The following ACP1 variants were observed in gnomAD, a reference collection of about 807,000 sequenced individuals.
ACP1 encodes acid phosphatase 1.
ACP1 carries 23 observed loss-of-function variants against 23.4 expected under a neutral mutation model. The observed-to-expected ratio is 0.98, with a 90% CI of 0.71 to 1.39. ACP1 has a LOEUF of 1.39. Among genes scored for constraint, ACP1 ranks in the 40% most tolerant of loss-of-function variants. ACP1 has a pLI of 0.00. For missense variants in ACP1, 180 were observed against 197.7 expected (o/e 0.91, Z 0.54); for synonymous variants, 72 against 67.2 (o/e 1.07, Z -0.35).
intron 1 of ACP1, among the ~76,000 whole-genome samples, chr2:270,121 G>A (rs1036285263): frequency 2.0e-5 from 3 of 152,198 alleles, no homozygotes; most frequent in Admixed American, 1.3e-4. Flanking sequence ...TGTTTCCTTA[G>A]CTGTGCCGGT....
In ACP1 at chr2:266,615, G is replaced by A. The variant is rs1340964259; in HGVS notation, c.43+1608G>A. ...TGTCAATTGGAACATGTGTCTGCTC[G>A]TTTCTTACACCCACAAATGTAATAC... is the stretch of plus-strand genomic sequence containing the variant. On this transcript the variant is annotated intron_variant, in intron 1 of 5. Coordinates refer to ENST00000272065, the MANE Select transcript of ACP1 (RefSeq NM_004300.4). 2.0e-5 allele frequency among the ~76,000 whole-genome samples: 3 copies of A among 152,260 alleles called. No homozygotes were observed. In the South Asian group the frequency reaches 6.2e-4, roughly 32 times the overall value.
At chr2:275,368 G>T in intron 4 of ACP1, 167 bp downstream of exon 4, 1 of 402,058 alleles carries the variant, frequency 2.5e-6, no homozygotes. Flanking sequence ...TAGTAATCTA[G>T]AATTGTCTCT....
At chr2:270,383 G>T (rs775319105) in intron 1 of ACP1, among the ~76,000 whole-genome samples, 1 of 152,038 alleles carries the variant, frequency 6.6e-6, no homozygotes, top group Non-Finnish European at 1.5e-5. Flanking sequence ...CTGAAGCATC[G>T]CAGCCTCACC....
In ACP1 at chr2:277,487, A is replaced by C; in HGVS notation, c.*183A>C. On this transcript the variant is annotated 3_prime_UTR_variant, in exon 6 of 6. Transcript: ENST00000272065. ...TCAGTTGTGTTTGGCAGGAGAATCA[A>C]TAAAAATCTTTGATTCAGACAGCTT... 1 of 617,836 alleles carries C rather than the reference A, an allele frequency of 1.6e-6. No individual in the cohort carries two copies. Among genetic ancestry groups the C allele is most frequent in the Non-Finnish European group, 2.9e-6 (1 of 345,516 alleles). The allele number at this position is 617,836 out of a possible 1,614,324, so 38.3% of individuals were successfully genotyped here.
rs1669969004 is a variant in ACP1 at position 269,228 on chromosome 2, A to G, written c.44-2638A>G. ...CAAAATTTAGAATGTCGAAAGGAAAAACTTCACAACACAAATTAGCATATA... is the reference window on the plus strand; with the variant it reads ...CAAAATTTAGAATGTCGAAAGGAAAGACTTCACAACACAAATTAGCATATA... On this transcript the variant is annotated intron_variant, in intron 1 of 5. Transcript: ENST00000272065. The G allele has an allele frequency of 6.9e-6, 3 of 437,056 alleles. No homozygotes were observed. The East Asian group carries it at 2.2e-4, about 31-fold the overall frequency. 27.1% of individuals were successfully genotyped at this position (437,056 alleles called of 1,614,324 possible).
chr2:272,362 C>T (rs369085813), intron 3 of ACP1: 49 of 1,558,898 alleles, frequency 3.1e-5, no homozygotes, highest in Middle Eastern at 1.9e-4. Context: ...TGAGAAGTAG[C>T]GAAAGGATTA....
intron 3 of ACP1, chr2:274,503 G>A (rs1042660311): frequency 6.6e-6 from 1 of 152,346 alleles, no homozygotes; most frequent in Admixed American, 6.5e-5. Flanking sequence ...ATTCTCTTCT[G>A]TGTGAGGTTT....
intron 3 of ACP1, 34 bp downstream of exon 3, chr2:272,184 T>C: frequency 6.2e-7 from 1 of 1,614,190 alleles, no homozygotes; most frequent in African/African-American, 1.3e-5. Flanking sequence ...GTGTGTTTTG[T>C]GTTTCAGTGG....
intron 1 of ACP1, 24 bp from the exon 2 acceptor site, chr2:271,841 TC>T: frequency 6.2e-7 from 1 of 1,600,432 alleles, no homozygotes; most frequent in Non-Finnish European, 8.6e-7. Flanking sequence ...TAACCCTGTT[TC>T]CCCACCCCTC....
intron 1 of ACP1, among the ~76,000 whole-genome samples, chr2:268,758 A>G (rs1390141189): frequency 1.3e-5 from 2 of 152,264 alleles, no homozygotes; most frequent in African/African-American, 4.8e-5. Context: ...TGAAGATGGA[A>G]TGTTCTGTTT....
intron 1 of ACP1, among the ~76,000 whole-genome samples, chr2:269,065 G>C (rs1316882846): frequency 6.6e-6 from 1 of 152,178 alleles, no homozygotes. Flanking sequence ...AATAATAATT[G>C]TCTTAATTTG....
At position 277,256 on chromosome 2, in the gene ACP1, C is replaced by T. The variant is rs1417526458; in HGVS notation, c.429C>T (p.Tyr143=). ...YGNDSDFETV[Y]QQCVRCCRAF... is the part of the protein sequence containing the mutation. Reference sequence around the variant, plus strand: ...ATGACTCTGACTTTGAGACGGTGTACCAGCAGTGTGTCAGGTGCTGCAGAG... The same window carrying T: ...ATGACTCTGACTTTGAGACGGTGTATCAGCAGTGTGTCAGGTGCTGCAGAG... Residue 143 remains tyrosine (Y), a synonymous_variant, in exon 6 of 6, where the codon TAC becomes TAT. Transcript: ENST00000272065. The T allele has an allele frequency of 4.3e-6, 7 of 1,613,522 alleles. No homozygotes were observed. The highest frequency in any genetic ancestry group is 3.4e-6 in the Non-Finnish European group (4 of 1,180,034).
chr2:267,909 A>G (rs1669931261), intron 1 of ACP1, among the ~76,000 whole-genome samples: 1 of 152,210 alleles, frequency 6.6e-6, no homozygotes, highest in East Asian at 1.9e-4. Context: ...GGACATCAGA[A>G]TTGGATGGAA....
Position 277,468 on chromosome 2 carries a change from G to A in ACP1, c.*164G>A, listed in dbSNP as rs2103077295. 4.6e-6 allele frequency: 3 copies of A among 645,194 alleles called. No homozygotes were observed. In the South Asian group the frequency reaches 5.6e-5, roughly 12 times the overall value. The allele number at this position is 645,194 out of a possible 1,614,324, so 40.0% of individuals were successfully genotyped here. A position where few individuals can be genotyped will look rare whatever the true frequency, so the allele number is the denominator to read the frequency against. On this transcript the variant is annotated 3_prime_UTR_variant, in exon 6 of 6. Coordinates refer to ENST00000272065, the MANE Select transcript of ACP1 (RefSeq NM_004300.4). ...AAGTAATTGTAGATGGAAATCAGTT[G>A]TGTTTGGCAGGAGAATCAATAAAAA...
Position 272,054 on chromosome 2 carries a change from G to T in ACP1, c.135G>T (p.Ala45=). ...CCCTGCAGTGGAGGGTAGACAGCGC[G>T]GCAACTTCCGGGTATGAGATAGGGA... ...NISENWRVDS[A]ATSGYEIGNP... is the part of the protein sequence containing the mutation. Residue 45 remains alanine, a synonymous_variant, in exon 3 of 6, where the codon GCG becomes GCT. Transcript: ENST00000272065. 1 of 1,613,998 alleles carries T rather than the reference G, an allele frequency of 6.2e-7. No homozygotes were observed.
intron 4 of ACP1, among the ~76,000 whole-genome samples, chr2:276,012 T>G (rs1035251646): frequency 3.3e-5 from 5 of 152,208 alleles, no homozygotes; most frequent in African/African-American, 4.8e-5. Context: ...CTGTTCTCAT[T>G]GTTTTTGCTG....
chr2:268,623 C>G (rs940913597), intron 1 of ACP1, among the ~76,000 whole-genome samples: 6 of 152,208 alleles, frequency 3.9e-5, no homozygotes, highest in Non-Finnish European at 8.8e-5. Context: ...CTCCCAGAGC[C>G]TATCTGCCTT....
rs188948556 is a variant in ACP1, at chr2:277,579, G to A, written c.*275G>A. On this transcript the variant is annotated 3_prime_UTR_variant, in exon 6 of 6. Transcript: ENST00000272065. Reference sequence around the variant, plus strand: ...CTTTGCCCCAGTTACAAAAATAGTAGAACAAGCAACATAAAACAATGAAGG... The same window carrying A: ...CTTTGCCCCAGTTACAAAAATAGTAAAACAAGCAACATAAAACAATGAAGG... The A allele has an allele frequency of 2.2e-6, 1 of 462,822 alleles. No individual in the cohort carries two copies. Among genetic ancestry groups the A allele is most frequent in the East Asian group, 3.8e-5 (1 of 25,990 alleles). 28.7% of individuals were successfully genotyped at this position (462,822 alleles called of 1,614,324 possible).
intron 1 of ACP1, among the ~76,000 whole-genome samples, chr2:268,930 ATTG>A (rs1429094454): frequency 1.3e-5 from 2 of 152,182 alleles, no homozygotes; most frequent in African/African-American, 2.4e-5. Context: ...AAGTTTTCAT[ATTG>A]TTGTGGGGAA....
Sources: gnomAD v4.1 joint callset for allele counts (sites outside exome capture counted in the v4.1 genomes callset) on GRCh38, gnomAD v4.1.1 for gene constraint, MANE v1.5 for transcripts, NCBI Gene and HGNC (gene_info 2026-07-23, HGNC 2026-07-21) for gene names.